The following ABLIM3 variants were observed in gnomAD, a reference collection of about 807,000 sequenced individuals.
ABLIM3 encodes actin-binding LIM protein 3.
A neutral mutation model predicts 109.5 loss-of-function variants in ABLIM3; 61 were observed. The observed-to-expected ratio is 0.56, with a 90% CI of 0.45 to 0.69. The LOEUF (loss-of-function observed/expected upper bound fraction) is 0.69, where lower values mean the gene tolerates loss of function less well. Ranked by LOEUF, ABLIM3 falls within the 30% of genes least tolerant of loss-of-function variation. ABLIM3 has a pLI of 0.00. For missense variants in ABLIM3, 796 were observed against 889.5 expected (o/e 0.89, Z 1.34); for synonymous variants, 300 against 324.8 (o/e 0.92, Z 0.82).
chr5:149,175,824 G>A (rs1490217798), intron 2 of ABLIM3, among the ~76,000 whole-genome samples: 1 of 152,180 alleles, frequency 6.6e-6, no homozygotes, highest in East Asian at 1.9e-4. Context: ...CTGGCTGTCA[G>A]ACAAGAGCAG....
intron 8 of ABLIM3, among the ~76,000 whole-genome samples, chr5:149,225,916 C>CAT (rs1561607151): frequency 2.0e-4 from 8 of 39,160 alleles, no homozygotes; most frequent in African/African-American, 5.6e-4. Flanking sequence ...AGTATTCCAT[C>CAT]ATATATACAT....
chr5:149,233,391 T>A, intron 10 of ABLIM3, 91 bp downstream of exon 10: 2 of 1,334,364 alleles, frequency 1.5e-6, no homozygotes, highest in Non-Finnish European at 1.1e-6. Flanking sequence ...TCTCAAGTTT[T>A]CATCCAGCTG....
At chr5:149,256,655 G>T (rs1422058043) in intron 23 of ABLIM3, among the ~76,000 whole-genome samples, 2 of 152,234 alleles carry the variant, frequency 1.3e-5, no homozygotes, top group Admixed American at 6.5e-5. Flanking sequence ...AAAATATTCA[G>T]TGTGTTTTGA....
At chr5:149,249,901 G>A (rs2127571413) in intron 19 of ABLIM3, 57 bp downstream of exon 19, 3 of 1,591,676 alleles carry the variant, frequency 1.9e-6, no homozygotes, top group Non-Finnish European at 2.6e-6. Flanking sequence ...ACAGAGCTGT[G>A]TCAGCTGCAG....
At chr5:149,164,676 A>C (rs1754671041) in intron 2 of ABLIM3, among the ~76,000 whole-genome samples, 1 of 152,162 alleles carries the variant, frequency 6.6e-6, no homozygotes, top group African/African-American at 2.4e-5. Flanking sequence ...ACCACTGCTT[A>C]CCCATAAGAA....
rs1322485819 is a variant in ABLIM3, at chr5:149,259,586, T to G, written c.*1182T>G. On this transcript the variant is annotated 3_prime_UTR_variant, in exon 24 of 24. Coordinates refer to ENST00000309868, the MANE Select transcript of ABLIM3 (RefSeq NM_014945.5). ...AGTGGCTGCTTATGAGATTCCAAAATGAAGTGTTGGCCAACACCGCTCATG... is the reference window on the plus strand; with the variant it reads ...AGTGGCTGCTTATGAGATTCCAAAAGGAAGTGTTGGCCAACACCGCTCATG... 2 of 1,535,968 alleles carry G rather than the reference T, an allele frequency of 1.3e-6. No individual in the cohort carries two copies. The highest frequency in any genetic ancestry group is 2.7e-5 in the African/African-American group (2 of 73,018).
intron 10 of ABLIM3, among the ~76,000 whole-genome samples, 156 bp downstream of exon 10, chr5:149,233,456 A>G (rs747381974): frequency 6.6e-6 from 1 of 152,210 alleles, no homozygotes; most frequent in Non-Finnish European, 1.5e-5. Context: ...TTGAGGATCC[A>G]GTGGGGTACA....
At chr5:149,224,300 G>A (rs1173070089) in intron 8 of ABLIM3, among the ~76,000 whole-genome samples, 1 of 152,066 alleles carries the variant, frequency 6.6e-6, no homozygotes, top group Non-Finnish European at 1.5e-5. Flanking sequence ...TGAATTACAA[G>A]GCACCTCAGA....
In ABLIM3 at chr5:149,151,639, A is replaced by C. The variant is rs1434163608; in HGVS notation, c.13+9531A>C. ...CCTCTCTTCCTAAGAATCTGAAGGGAAGTGCTCTTACATAGGAGGTCCCCA... is the reference window on the plus strand; with the variant it reads ...CCTCTCTTCCTAAGAATCTGAAGGGCAGTGCTCTTACATAGGAGGTCCCCA... On this transcript the variant is annotated intron_variant, in intron 2 of 23. Coordinates refer to ENST00000309868, the MANE Select transcript of ABLIM3 (RefSeq NM_014945.5). Among the ~76,000 whole-genome samples the C allele has an allele frequency of 3.3e-5, 5 of 152,228 alleles. No individual in the cohort carries two copies. In the East Asian group the frequency reaches 9.6e-4, roughly 29 times the overall value.
In ABLIM3 at chr5:149,200,310, T is replaced by C. The variant is rs1246504214; in HGVS notation, c.336-6T>C. 3 of 1,613,784 alleles carry C rather than the reference T, an allele frequency of 1.9e-6. No homozygotes were observed. The highest frequency in any genetic ancestry group is 1.7e-5 in the Admixed American group (1 of 59,988). Reference sequence around the variant, plus strand: ...GTGTTGAATTTCTCCCTCATCCCACTTGCAGGAAGCCTTTCCCCATTGGAG... The same window carrying C: ...GTGTTGAATTTCTCCCTCATCCCACCTGCAGGAAGCCTTTCCCCATTGGAG... On this transcript the variant is annotated splice_region_variant and splice_polypyrimidine_tract_variant and intron_variant, in intron 4 of 23. Transcript: ENST00000309868.
At chr5:149,233,397 A>T in intron 10 of ABLIM3, 97 bp downstream of exon 10, 1 of 1,290,794 alleles carries the variant, frequency 7.7e-7, no homozygotes, top group South Asian at 1.2e-5. Context: ...GTTTTCATCC[A>T]GCTGACATTT....
At chr5:149,199,394 CAT>C (rs1181325786) in intron 4 of ABLIM3, among the ~76,000 whole-genome samples, 1 of 152,172 alleles carries the variant, frequency 6.6e-6, no homozygotes, top group African/African-American at 2.4e-5. Context: ...TGTAAGAAAA[CAT>C]AATCCCCTCG....
At chr5:149,189,590 T>A (rs1175018802) in intron 3 of ABLIM3, among the ~76,000 whole-genome samples, 1 of 152,144 alleles carries the variant, frequency 6.6e-6, no homozygotes, top group Non-Finnish European at 1.5e-5. Context: ...AAATGTCCAA[T>A]AAGCACATGA....
At position 149,230,593 on chromosome 5, in the gene ABLIM3, G is replaced by T. The variant is rs1317432567; in HGVS notation, c.758-56G>T. On this transcript the variant is annotated intron_variant, in intron 8 of 23. Coordinates refer to ENST00000309868, the MANE Select transcript of ABLIM3 (RefSeq NM_014945.5). The stretch of plus-strand genomic sequence containing the variant: ...GGAGTGAATCAAGGTGGGACATGGG[G>T]AGAGTGCTGGAGGGTTTGAAAGGTC... 6 of 1,572,782 alleles carry T rather than the reference G, an allele frequency of 3.8e-6. No homozygotes were observed. In the East Asian group the frequency reaches 1.1e-4, roughly 29 times the overall value.
intron 8 of ABLIM3, among the ~76,000 whole-genome samples, chr5:149,223,564 G>T (rs1418014724): frequency 6.6e-6 from 1 of 152,172 alleles, no homozygotes; most frequent in Non-Finnish European, 1.5e-5. Context: ...GGGTCGAGGG[G>T]CCCGTGAGCA....
chr5:149,212,236 A>G (rs1759632772), intron 7 of ABLIM3, among the ~76,000 whole-genome samples: 1 of 152,174 alleles, frequency 6.6e-6, no homozygotes, highest in Admixed American at 6.5e-5. Flanking sequence ...TGAGATATAA[A>G]CAAATGAGCA....
intron 2 of ABLIM3, among the ~76,000 whole-genome samples, chr5:149,163,215 G>A (rs1251412508): frequency 6.6e-6 from 1 of 152,194 alleles, no homozygotes; most frequent in Non-Finnish European, 1.5e-5. Flanking sequence ...GCTACTGTGT[G>A]TAGAATGAGT....
intron 2 of ABLIM3, among the ~76,000 whole-genome samples, chr5:149,155,234 G>A (rs1334784895): frequency 6.6e-6 from 1 of 152,106 alleles, no homozygotes; most frequent in Non-Finnish European, 1.5e-5. Flanking sequence ...AGATCTCCAG[G>A]GGAAACATGG....
chr5:149,253,621 G>T (rs17709363), intron 23 of ABLIM3, among the ~76,000 whole-genome samples: 10,906 of 152,264 alleles, frequency 0.072, 522 homozygotes, highest in Middle Eastern at 0.1. Flanking sequence ...GGATGTAGAC[G>T]GACTAGAAAG....
Sources: allele counts gnomAD v4.1 joint callset (sites outside exome capture counted in the v4.1 genomes callset), GRCh38; gene constraint gnomAD v4.1.1; transcripts MANE v1.5; gene names NCBI Gene and HGNC (gene_info 2026-07-23, HGNC 2026-07-21).